The following CEMIP2 variants were observed in gnomAD, a reference collection of about 807,000 sequenced individuals.
CEMIP2 encodes the protein cell migration inducing hyaluronidase 2, also known as cell surface hyaluronidase CEMIP2.
A neutral mutation model predicts 146.9 loss-of-function variants in CEMIP2; 79 were observed. The observed-to-expected ratio is 0.54, with a 90% confidence interval of 0.45 to 0.65. The LOEUF is 0.65. Ranked by LOEUF, CEMIP2 falls within the 30% of genes least tolerant of loss-of-function variation. CEMIP2 has a pLI of 0.00. For synonymous variants in CEMIP2, 601 were observed against 606.3 expected (o/e 0.99, Z 0.13); for missense variants, 1,596 against 1,696.2 (o/e 0.94, Z 1.04).
At chr9:71,729,473 G>A (rs1823547373) in intron 10 of CEMIP2, among the ~76,000 whole-genome samples, 1 of 152,018 alleles carries the variant, frequency 6.6e-6, no homozygotes, top group Non-Finnish European at 1.5e-5. Flanking sequence ...CAGAAAATTA[G>A]CTGGGCGTGG....
At chr9:71,735,643 T>A (rs894175738) in intron 5 of CEMIP2, among the ~76,000 whole-genome samples, 3 of 151,830 alleles carry the variant, frequency 2.0e-5, no homozygotes, top group Non-Finnish European at 4.4e-5. Context: ...ATTGGCCAGG[T>A]ATGGTGGTGT....
chr9:71,716,351 G>A (rs1243201716), intron 14 of CEMIP2, among the ~76,000 whole-genome samples, 166 bp downstream of exon 14: 1 of 148,334 alleles, frequency 6.7e-6, no homozygotes, highest in Admixed American at 6.8e-5. Flanking sequence ...AATTAATCCA[G>A]AAAAAAAAAA....
intron 17 of CEMIP2, among the ~76,000 whole-genome samples, chr9:71,707,352 T>A (rs1822775714): frequency 6.6e-6 from 1 of 152,148 alleles, no homozygotes; most frequent in African/African-American, 2.4e-5. Flanking sequence ...TAGTATTTTT[T>A]ATTTTTGCTC....
Position 71,717,977 on chromosome 9 carries a change from T to G in CEMIP2, c.2370A>C (p.Arg790Ser). 1 of 1,611,468 alleles carries G rather than the reference T, an allele frequency of 6.2e-7. No homozygotes were observed. The highest frequency in any genetic ancestry group is 8.5e-7 in the Non-Finnish European group (1 of 1,178,682). ...AATTTTGAACGATAATATCTCCTCC[T>G]CTGACCCAAGCTCCATTATCATTAT... ...FKNNDNGAWV[R>S]GGDIIVQNSA... The change falls in exon 13 of 24, where the codon AGA (arginine) becomes AGC (serine). Residue 790 changes from arginine to serine, a missense_variant. By Grantham distance (110) the Arg-to-Ser change is moderately radical. Transcript: ENST00000377044.
chr9:71,709,338 T>C lies in CEMIP2; in HGVS notation c.2906A>G (p.Asp969Gly). 1 of 1,614,180 alleles carries C rather than the reference T, an allele frequency of 6.2e-7. No individual in the cohort carries two copies. The highest frequency in any genetic ancestry group is 8.5e-7 in the Non-Finnish European group (1 of 1,180,024). ...GYKDAYVGRM[D>G]NYLIRHPSCV... Reference sequence around the variant, plus strand: ...GCTTGGATGGCGGATCAGGTAGTTGTCCATTCTTCCCACATAAGCATCCTT... The same window carrying C: ...GCTTGGATGGCGGATCAGGTAGTTGCCCATTCTTCCCACATAAGCATCCTT... The change falls in exon 17 of 24, where the codon GAC (aspartate) becomes GGC (glycine). Residue 969 changes from aspartate to glycine, a missense_variant. Transcript: ENST00000377044.
Position 71,694,519 on chromosome 9 carries a change from G to A in CEMIP2, c.3686C>T (p.Ser1229Phe), listed in dbSNP as rs1822336342. 1.2e-6 allele frequency: 2 copies of A among 1,613,098 alleles called. No individual in the cohort carries two copies. Among genetic ancestry groups the A allele is most frequent in the African/African-American group, 2.7e-5 (2 of 74,860 alleles). Residue 1229 changes from serine (S) to phenylalanine (F), a missense_variant, in exon 21 of 24, where the codon TCT becomes TTT. Transcript: ENST00000377044. ...CCAGATGGTACTTACAGAAATAACA[G>A]ACGGGTCTCCACGCTGGGTTTCTGC... ...DKAETQRGDP[S>F]VISVNGTDFT... is the part of the protein sequence containing the mutation.
chr9:71,732,736 T>A, intron 6 of CEMIP2, among the ~76,000 whole-genome samples: 1 of 116,932 alleles, frequency 8.6e-6, no homozygotes, highest in African/African-American at 3.3e-5. Flanking sequence ...AGACGGAGTC[T>A]CACTCTGTCC....
intron 1 of CEMIP2, among the ~76,000 whole-genome samples, chr9:71,753,874 A>G (rs1824331535): frequency 6.6e-6 from 1 of 152,228 alleles, no homozygotes. Context: ...AGCTCTTGCT[A>G]TCGTTAGAGG....
At chr9:71,707,522 T>G (rs1388064054) in intron 17 of CEMIP2, among the ~76,000 whole-genome samples, 1 of 152,194 alleles carries the variant, frequency 6.6e-6, no homozygotes, top group African/African-American at 2.4e-5. Context: ...CCTGCTTTAA[T>G]TGTCGTAATT....
At chr9:71,702,212 T>C (rs1217163093) in intron 18 of CEMIP2, among the ~76,000 whole-genome samples, 1 of 147,232 alleles carries the variant, frequency 6.8e-6, no homozygotes, top group Non-Finnish European at 1.5e-5. Context: ...GAGCCAAGAT[T>C]GCACCACTGC....
chr9:71,727,392 C>A (rs988060323), intron 10 of CEMIP2, among the ~76,000 whole-genome samples: 1 of 152,202 alleles, frequency 6.6e-6, no homozygotes, highest in African/African-American at 2.4e-5. Context: ...AAACCTCATA[C>A]AGGCTCAAAA....
At chr9:71,737,083 G>T (rs62549262) in intron 5 of CEMIP2, among the ~76,000 whole-genome samples, 10,076 of 149,476 alleles carry the variant, frequency 0.067, 478 homozygotes, top group South Asian at 0.18. Context: ...TTAAGCCCAG[G>T]AGGTCAAGGC....
rs73646776 is a variant in CEMIP2, at chr9:71,683,632, C to A, written c.*1565G>T. 7,505 of 110,920 alleles carry A rather than the reference C, an allele frequency of 0.068. 282 individuals are homozygous for A. The highest frequency in any genetic ancestry group is 0.13 in the African/African-American group (3,759 of 29,388). 6.9% of individuals were successfully genotyped at this position (110,920 alleles called of 1,614,324 possible). On this transcript the variant is annotated 3_prime_UTR_variant, in exon 24 of 24. Coordinates refer to ENST00000377044, the MANE Select transcript of CEMIP2 (RefSeq NM_013390.3). ...TTCATCAATATACAAAAAAAAAAAA[C>A]AAACCAGAAAACAAAAAACTAACTT...
At chr9:71,699,404 C>G in intron 19 of CEMIP2, 1 of 451,366 alleles carries the variant, frequency 2.2e-6, no homozygotes, top group Non-Finnish European at 4.4e-6. Context: ...CACAACTATG[C>G]CTGTGAACTG....
chr9:71,743,893 A>C (rs72737991), intron 4 of CEMIP2, among the ~76,000 whole-genome samples: 9,371 of 152,278 alleles, frequency 0.062, 454 homozygotes, highest in South Asian at 0.19. Flanking sequence ...TATCAAAGGA[A>C]AAAATAGTAA....
chr9:71,728,243 ATATATATG>A (rs1823463649), intron 10 of CEMIP2, among the ~76,000 whole-genome samples: 1 of 49,192 alleles, frequency 2.0e-5, no homozygotes. Context: ...ATATATATAT[ATATATATG>A]TATATACACG....
In CEMIP2 at chr9:71,740,244, A is replaced by G; in HGVS notation, c.1035-12T>C. On this transcript the variant is annotated splice_polypyrimidine_tract_variant and intron_variant, in intron 4 of 23. Transcript: ENST00000377044. ...AAGCCCAAGCTTGCCTAGAAGGAAAAAGAGCATGTGCATTTGATTACTTGT... is the reference window on the plus strand; with the variant it reads ...AAGCCCAAGCTTGCCTAGAAGGAAAGAGAGCATGTGCATTTGATTACTTGT... 6.2e-7 allele frequency: 1 copy of G among 1,611,508 alleles called. No homozygotes were observed. The highest frequency in any genetic ancestry group is 8.5e-7 in the Non-Finnish European group (1 of 1,179,776).
In CEMIP2 at chr9:71,685,062, C is replaced by A; in HGVS notation, c.*135G>T. On this transcript the variant is annotated 3_prime_UTR_variant, in exon 24 of 24. Transcript: ENST00000377044. ...CTGGTATCCAAGCAATAATTTCAAACGCTTTCTTTTCTCCCCATTCTGTAT... is the reference window on the plus strand; with the variant it reads ...CTGGTATCCAAGCAATAATTTCAAAAGCTTTCTTTTCTCCCCATTCTGTAT... 1.3e-6 allele frequency: 1 copy of A among 785,412 alleles called. No homozygotes were observed. The highest frequency in any genetic ancestry group is 1.9e-6 in the Non-Finnish European group (1 of 526,196). The allele number at this position is 785,412 out of a possible 1,614,324, so 48.7% of individuals were successfully genotyped here.
rs1482285938 is a variant in CEMIP2 at position 71,687,846 on chromosome 9, A to G, written c.3852-2000T>C. Among the ~76,000 whole-genome samples, 3 of 152,172 alleles carry G rather than the reference A, an allele frequency of 2.0e-5. No individual in the cohort carries two copies. In the East Asian group the frequency reaches 5.8e-4, roughly 29 times the overall value. On this transcript the variant is annotated intron_variant, in intron 22 of 23. Transcript: ENST00000377044. ...ACATCACTGCACTCCAGCCTGGGCA[A>G]CTATTTTTGTTTTCTTTTGTTTTTT...
Sources: allele counts gnomAD v4.1 joint callset (sites outside exome capture counted in the v4.1 genomes callset), GRCh38; gene constraint gnomAD v4.1.1; transcripts MANE v1.5; gene names NCBI Gene and HGNC (gene_info 2026-07-23, HGNC 2026-07-21).